DCTN4: variants seen among roughly 807,000 people sequenced by gnomAD.
DCTN4 encodes the protein dynactin 4 (p62).
In DCTN4, 23 loss-of-function variants were observed where a neutral mutation model predicts 62.7. The observed-to-expected ratio is 0.37, with a 90% CI of 0.26 to 0.52. The LOEUF (loss-of-function observed/expected upper bound fraction) is 0.52. Among genes scored for constraint, DCTN4 ranks in the 20% least tolerant of loss-of-function variants. The pLI is 0.92. For missense variants in DCTN4, 514 were observed against 580.4 expected (o/e 0.89, Z 1.18); for synonymous variants, 199 against 202.1 (o/e 0.98, Z 0.13).
In DCTN4 at chr5:150,753,389, C is replaced by T. The variant is rs768233753; in HGVS notation, c.385+90G>A. 63 of 1,174,416 alleles carry T rather than the reference C, an allele frequency of 5.4e-5. No individual in the cohort carries two copies. In the South Asian group the frequency reaches 7.1e-4, roughly 13 times the overall value. 72.7% of individuals were successfully genotyped at this position (1,174,416 alleles called of 1,614,324 possible). A position where few individuals can be genotyped will look rare whatever the true frequency, so the allele number is the denominator to read the frequency against. ...AAAATATTCTGAATTTAGCTCCTAT[C>T]GCCCCAACGGGTTACAGAAATAATA... On this transcript the variant is annotated intron_variant, in intron 3 of 12. Coordinates refer to ENST00000447998, the MANE Select transcript of DCTN4 (RefSeq NM_016221.4).
At chr5:150,733,673 G>T in intron 4 of DCTN4, 198 bp from the exon 5 acceptor site, 1 of 463,180 alleles carries the variant, frequency 2.2e-6, no homozygotes, top group Non-Finnish European at 3.8e-6. Flanking sequence ...TGAAGTTCAA[G>T]GATGGGAAGA....
chr5:150,752,263 G>T (rs74877169), intron 3 of DCTN4, among the ~76,000 whole-genome samples: 2,058 of 152,182 alleles, frequency 0.014, 13 homozygotes, highest in Middle Eastern at 0.02. Context: ...TGTTAACCAT[G>T]AAATACAGAA....
intron 3 of DCTN4, among the ~76,000 whole-genome samples, chr5:150,751,308 C>G: frequency 6.6e-6 from 1 of 152,070 alleles, no homozygotes; most frequent in East Asian, 1.9e-4. Flanking sequence ...ATTCAATTAT[C>G]CCTGTTGAGA....
At chr5:150,729,611 T>C (rs1474470273) in intron 8 of DCTN4, among the ~76,000 whole-genome samples, 1 of 90,270 alleles carries the variant, frequency 1.1e-5, no homozygotes, top group Non-Finnish European at 1.8e-5. Flanking sequence ...GAAAAAATAC[T>C]TTTTTTTTTT....
intron 2 of DCTN4, among the ~76,000 whole-genome samples, chr5:150,755,255 G>C (rs566114298): frequency 1.3e-5 from 2 of 152,132 alleles, no homozygotes; most frequent in African/African-American, 2.4e-5. Context: ...AACAAGAGGA[G>C]AAGAGACAGA....
intron 10 of DCTN4, among the ~76,000 whole-genome samples, chr5:150,719,294 CTGGGTGTG>C (rs140186029): frequency 0.011 from 1,695 of 152,218 alleles, 29 homozygotes; most frequent in African/African-American, 0.037. Flanking sequence ...CTACAATTCA[CTGGGTGTG>C]TGTGTGGAAG....
At position 150,729,042 on chromosome 5, in the gene DCTN4, CTTTTTTTTTTTT is replaced by C. The variant is rs61106544; in HGVS notation, c.834+1577_834+1588del. On this transcript the variant is annotated intron_variant, in intron 8 of 12. Transcript: ENST00000447998. ...ACAAGTGTGTGAACCACCACACTGG[CTTTTTTTTTTTT>C]TTTTTTTTTTTTTTTTTTTTGGTAG... is the stretch of plus-strand genomic sequence containing the variant. Among the ~76,000 whole-genome samples the C allele has an allele frequency of 5.5e-3, 288 of 52,128 alleles. 1 individual carries two copies. Among genetic ancestry groups the C allele is most frequent in the African/African-American group, 0.02 (268 of 13,114 alleles). The allele number at this position is 52,128 out of a possible 152,430, so 34.2% of individuals were successfully genotyped here.
At chr5:150,735,995 T>C (rs1760567995) in intron 4 of DCTN4, among the ~76,000 whole-genome samples, 1 of 150,672 alleles carries the variant, frequency 6.6e-6, no homozygotes, top group Admixed American at 6.6e-5. Flanking sequence ...AATCACAATT[T>C]TTGAAATGAC....
At chr5:150,745,337 T>C (rs1327568414) in intron 3 of DCTN4, among the ~76,000 whole-genome samples, 2 of 151,264 alleles carry the variant, frequency 1.3e-5, no homozygotes, top group African/African-American at 2.4e-5. Context: ...CACACAATAA[T>C]AATGGGAGAC....
intron 1 of DCTN4, chr5:150,758,303 T>G (rs1369297408): frequency 1.0e-6 from 1 of 985,616 alleles, no homozygotes. Flanking sequence ...TTCAGCTTCT[T>G]ACATGACATA....
intron 4 of DCTN4, 24 bp from the exon 5 acceptor site, chr5:150,733,499 T>G (rs1475663497): frequency 1.3e-6 from 2 of 1,565,694 alleles, no homozygotes; most frequent in African/African-American, 2.7e-5. Context: ...ACAGACTCAG[T>G]ACACAAAAAA....
intron 3 of DCTN4, among the ~76,000 whole-genome samples, chr5:150,744,066 T>C (rs1471728230): frequency 6.6e-6 from 1 of 152,102 alleles, no homozygotes; most frequent in Non-Finnish European, 1.5e-5. Context: ...AATGTATAAC[T>C]AGAATAACCA....
chr5:150,715,883 A>G (rs1159519727), intron 11 of DCTN4, among the ~76,000 whole-genome samples: 1 of 151,916 alleles, frequency 6.6e-6, no homozygotes, highest in African/African-American at 2.4e-5. Flanking sequence ...GGGGGCTTCA[A>G]TTGTGTCTTT....
chr5:150,735,543 C>T (rs1433758503), intron 4 of DCTN4, among the ~76,000 whole-genome samples: 5 of 152,096 alleles, frequency 3.3e-5, no homozygotes, highest in South Asian at 2.1e-4. Context: ...TAGCTCTGGC[C>T]GGGTGGCTAG....
rs773621703 is a variant in DCTN4 at position 150,708,552 on chromosome 5, T to G, written c.*2597A>C. ...TATAATGGTTCTGTGAATATGTATA[T>G]AAGAAGCTCAAAGCAACATCTACTT... On this transcript the variant is annotated 3_prime_UTR_variant, in exon 13 of 13. Coordinates refer to ENST00000447998, the MANE Select transcript of DCTN4 (RefSeq NM_016221.4). 3 of 152,618 alleles carry G rather than the reference T, an allele frequency of 2.0e-5. No individual in the cohort carries two copies. Among genetic ancestry groups the G allele is most frequent in the Admixed American group, 6.5e-5 (1 of 15,276 alleles). 9.5% of individuals were successfully genotyped at this position (152,618 alleles called of 1,614,324 possible).
chr5:150,721,705 T>TGA (rs1759959298), intron 9 of DCTN4, among the ~76,000 whole-genome samples: 2 of 152,250 alleles, frequency 1.3e-5, no homozygotes, highest in African/African-American at 4.8e-5. Flanking sequence ...TATTTTTATC[T>TGA]TTTCAATTTC....
chr5:150,751,051 A>C (rs1752653447), intron 3 of DCTN4, among the ~76,000 whole-genome samples: 1 of 152,288 alleles, frequency 6.6e-6, no homozygotes, highest in South Asian at 2.1e-4. Flanking sequence ...ATGTGAAAGA[A>C]ATGTTTCAGC....
At chr5:150,743,042 G>A (rs148801630) in intron 3 of DCTN4, 16,455 of 153,824 alleles carry the variant, frequency 0.11, 1,026 homozygotes, top group East Asian at 0.24. Flanking sequence ...CTTGGGAAGC[G>A]CAAGGGATCA....
chr5:150,747,494 C>T (rs1461274669), intron 3 of DCTN4, among the ~76,000 whole-genome samples: 1 of 152,124 alleles, frequency 6.6e-6, no homozygotes, highest in Non-Finnish European at 1.5e-5. Flanking sequence ...CAATCCTAAG[C>T]CAAAAGAACA....
Sources: allele counts gnomAD v4.1 joint callset (sites outside exome capture counted in the v4.1 genomes callset), GRCh38; gene constraint gnomAD v4.1.1; transcripts MANE v1.5; gene names NCBI Gene and HGNC (gene_info 2026-07-23, HGNC 2026-07-21).